The following MAST2 variants were observed in gnomAD, a reference collection of about 807,000 sequenced individuals.
The protein encoded by MAST2 is microtubule-associated serine/threonine-protein kinase 2.
Under a neutral mutation model 147.4 loss-of-function variants are expected in MAST2, and 70 were observed. The observed-to-expected ratio is 0.47, with a 90% confidence interval of 0.39 to 0.58. The LOEUF (loss-of-function observed/expected upper bound fraction) is 0.58, where lower values mean the gene tolerates loss of function less well. MAST2 is among the 20% of genes least tolerant of loss of function. The probability of loss-of-function intolerance (pLI) is 0.00; values close to 1 mark genes in which losing one functional copy is unlikely to be tolerated. For synonymous variants in MAST2, 869 were observed against 896.8 expected (o/e 0.97, Z 0.55); for missense variants, 2,080 against 2,302.3 (o/e 0.90, Z 1.98).
chr1:46,019,968 G>A (rs985459146), intron 11 of MAST2, among the ~76,000 whole-genome samples: 12 of 152,182 alleles, frequency 7.9e-5, no homozygotes, highest in East Asian at 1.9e-4. Context: ...GGTGAGAAGC[G>A]TCAGGAGCAT....
Position 45,829,420 on chromosome 1 carries a change from C to A in MAST2, c.326-19C>A. On this transcript the variant is annotated intron_variant, in intron 2 of 28. Coordinates refer to ENST00000361297, the MANE Select transcript of MAST2 (RefSeq NM_015112.3). The stretch of plus-strand genomic sequence containing the variant: ...CAATAAATAATTACATGTATATTTT[C>A]CAAACCTTGTATTTGAAGGTAAGCA... 1 of 1,599,358 alleles carries A rather than the reference C, an allele frequency of 6.3e-7. No individual in the cohort carries two copies. The highest frequency in any genetic ancestry group is 8.5e-7 in the Non-Finnish European group (1 of 1,171,794).
intron 4 of MAST2, among the ~76,000 whole-genome samples, chr1:45,909,099 A>G: frequency 6.6e-6 from 1 of 152,074 alleles, no homozygotes; most frequent in East Asian, 1.9e-4. Flanking sequence ...TTTTACATCA[A>G]ATGTAAAGCT....
At chr1:45,896,661 T>C (rs1449654087) in intron 4 of MAST2, among the ~76,000 whole-genome samples, 1 of 152,224 alleles carries the variant, frequency 6.6e-6, no homozygotes, top group African/African-American at 2.4e-5. Context: ...GGCCTGCCCC[T>C]GAGGCCTAAC....
At chr1:45,927,886 A>T (rs1654652449) in intron 4 of MAST2, among the ~76,000 whole-genome samples, 1 of 152,182 alleles carries the variant, frequency 6.6e-6, no homozygotes, top group Admixed American at 6.5e-5. Context: ...CAAAAGTATT[A>T]ATTTGGGGAA....
At chr1:46,003,334 T>C (rs1341773477) in intron 7 of MAST2, among the ~76,000 whole-genome samples, 17 of 152,224 alleles carry the variant, frequency 1.1e-4, no homozygotes, top group Admixed American at 9.8e-4. Flanking sequence ...TGTTATTTGA[T>C]ATCCAAGTTT....
At chr1:46,012,933 G>T (rs1645775091) in intron 10 of MAST2, among the ~76,000 whole-genome samples, 1 of 152,022 alleles carries the variant, frequency 6.6e-6, no homozygotes, top group African/African-American at 2.4e-5. Context: ...TTACAGGTGT[G>T]AGCTGCTACA....
chr1:45,847,957 T>C lies in MAST2; in HGVS notation c.468+18376T>C, dbSNP rs76772611. ...CTGGTGCATTCTATCATATAGACAA[T>C]ATAATTACTAGTGATAGTTTAGTTG... On this transcript the variant is annotated intron_variant, in intron 3 of 28. Coordinates refer to ENST00000361297, the MANE Select transcript of MAST2 (RefSeq NM_015112.3). Among the ~76,000 whole-genome samples the C allele has an allele frequency of 3.7e-3, 568 of 152,306 alleles. 3 individuals carry two copies. Among genetic ancestry groups the C allele is most frequent in the African/African-American group, 0.013 (540 of 41,558 alleles).
At chr1:46,010,289 A>G (rs1377428508) in intron 9 of MAST2, among the ~76,000 whole-genome samples, 1 of 152,256 alleles carries the variant, frequency 6.6e-6, no homozygotes, top group Non-Finnish European at 1.5e-5. Flanking sequence ...GCCTGGGGAA[A>G]TGAAAGACTT....
chr1:45,962,942 A>G (rs1433585550), intron 5 of MAST2, among the ~76,000 whole-genome samples: 1 of 152,186 alleles, frequency 6.6e-6, no homozygotes, highest in African/African-American at 2.4e-5. Context: ...ATTTTTGTAT[A>G]CGGTGTAAGG....
intron 1 of MAST2, among the ~76,000 whole-genome samples, chr1:45,810,400 A>G (rs190217002): frequency 1.3e-5 from 2 of 152,348 alleles, no homozygotes; most frequent in East Asian, 1.9e-4. Flanking sequence ...GCTGCGTAAT[A>G]TATATAGGGA....
At chr1:45,903,614 T>G (rs1298931277) in intron 4 of MAST2, among the ~76,000 whole-genome samples, 1 of 152,212 alleles carries the variant, frequency 6.6e-6, no homozygotes, top group Non-Finnish European at 1.5e-5. Flanking sequence ...TGAGAGTTCC[T>G]CTTGATGTTG....
intron 5 of MAST2, among the ~76,000 whole-genome samples, chr1:45,965,358 C>G (rs1195711298): frequency 6.6e-6 from 1 of 152,140 alleles, no homozygotes; most frequent in Non-Finnish European, 1.5e-5. Context: ...GAGTCTAAGT[C>G]TCTTTGTAAG....
At chr1:45,810,074 G>A (rs1644246556) in intron 1 of MAST2, among the ~76,000 whole-genome samples, 2 of 152,144 alleles carry the variant, frequency 1.3e-5, no homozygotes, top group Non-Finnish European at 2.9e-5. Context: ...TCATCATTTT[G>A]TCTAACAATG....
chr1:45,896,478 A>G (rs931925784), intron 4 of MAST2, among the ~76,000 whole-genome samples: 1 of 152,158 alleles, frequency 6.6e-6, no homozygotes, highest in African/African-American at 2.4e-5. Context: ...CCATGTGTGC[A>G]GCCATCCTGA....
intron 7 of MAST2, among the ~76,000 whole-genome samples, chr1:46,005,466 G>C (rs943529566): frequency 2.6e-5 from 4 of 152,160 alleles, no homozygotes; most frequent in African/African-American, 7.2e-5. Flanking sequence ...GGTAATGGAG[G>C]GGGGAGTTCC....
At position 46,027,787 on chromosome 1, in the gene MAST2, T is replaced by C; in HGVS notation, c.1976T>C (p.Ile659Thr). The stretch of plus-strand genomic sequence containing the variant: ...CTCACGGACTTTGGACTGTCCAAAA[T>C]TGGCCTCATGAGTCTGACAACGAAC... ...IKLTDFGLSK[I>T]GLMSLTTNLY... Residue 659 changes from isoleucine (I) to threonine (T), a missense_variant, in exon 17 of 29, where the codon ATT becomes ACT. Ile to Thr is a moderately conservative substitution (Grantham distance 89). Coordinates refer to ENST00000361297, the MANE Select transcript of MAST2 (RefSeq NM_015112.3). 6.2e-7 allele frequency: 1 copy of C among 1,614,178 alleles called. No individual in the cohort carries two copies. The highest frequency in any genetic ancestry group is 2.2e-5 in the East Asian group (1 of 44,882).
intron 1 of MAST2, among the ~76,000 whole-genome samples, chr1:45,823,203 CTT>C (rs774121918): frequency 3.5e-4 from 48 of 136,012 alleles, no homozygotes; most frequent in South Asian, 4.7e-4. Flanking sequence ...GAATTTTTTT[CTT>C]TTTTTTTTTT....
chr1:45,933,220 C>T (rs1655614296), intron 4 of MAST2, among the ~76,000 whole-genome samples: 1 of 99,984 alleles, frequency 1.0e-5, no homozygotes, highest in Non-Finnish European at 1.8e-5. Flanking sequence ...AAGACCCTGT[C>T]TCTTTAAAAA....
chr1:46,025,959 C>T (rs956880814), intron 16 of MAST2, 144 bp downstream of exon 16: 4 of 1,034,152 alleles, frequency 3.9e-6, no homozygotes, highest in African/African-American at 1.6e-5. Flanking sequence ...GCCTAGTTCT[C>T]TAGCCCCCCG....
Sources: allele counts gnomAD v4.1 joint callset (sites outside exome capture counted in the v4.1 genomes callset), GRCh38; gene constraint gnomAD v4.1.1; transcripts MANE v1.5; gene names NCBI Gene and HGNC (gene_info 2026-07-23, HGNC 2026-07-21).